The following KAZN variants were observed in gnomAD, a reference collection of about 807,000 sequenced individuals.
KAZN encodes kazrin, periplakin interacting protein.
In KAZN, 40 loss-of-function variants were observed where a neutral mutation model predicts 87.4. The ratio of observed to expected loss-of-function variants is 0.46; its 90% CI spans 0.36 to 0.60. The LOEUF (loss-of-function observed/expected upper bound fraction) is 0.60. Among genes scored for constraint, KAZN ranks in the 20% least tolerant of loss-of-function variants. The pLI is 0.00. For missense variants in KAZN, 898 were observed against 1,073.9 expected (o/e 0.84, Z 2.29); for synonymous variants, 466 against 458.3 (o/e 1.02, Z -0.22).
intron 14 of KAZN, chr1:15,114,230 C>G: frequency 2.2e-6 from 1 of 464,918 alleles, no homozygotes; most frequent in Non-Finnish European, 3.9e-6. Flanking sequence ...TGTCCTCACC[C>G]TTGGTAACCA....
chr1:14,022,163 C>T (rs777594978), intron 1 of KAZN, among the ~76,000 whole-genome samples: 10 of 151,672 alleles, frequency 6.6e-5, no homozygotes, highest in African/African-American at 1.4e-4. Context: ...CTGGGGTGTG[C>T]GTGTGTATGT....
chr1:14,128,967 T>C (rs1236748805), intron 1 of KAZN, among the ~76,000 whole-genome samples: 1 of 152,192 alleles, frequency 6.6e-6, no homozygotes, highest in Non-Finnish European at 1.5e-5. Context: ...ATTCCATCTT[T>C]AAGGGAATTT....
Position 14,771,117 on chromosome 1 carries a change from G to A in KAZN, c.226+171894G>A, listed in dbSNP as rs184195713. 3.8e-4 allele frequency among the ~76,000 whole-genome samples: 58 copies of A among 152,250 alleles called. 2 individuals carry two copies. The South Asian group carries it at 4.8e-3, about 13-fold the overall frequency. Reference sequence around the variant, plus strand: ...GCAGGAATCCCACCCAGAATGATTCGCTGTGATCATTGCCATATGAACAAT... The same window carrying A: ...GCAGGAATCCCACCCAGAATGATTCACTGTGATCATTGCCATATGAACAAT... On this transcript the variant is annotated intron_variant, in intron 1 of 14. Transcript: ENST00000376030.
chr1:14,777,232 G>A (rs1026950595), intron 1 of KAZN, among the ~76,000 whole-genome samples: 3 of 151,810 alleles, frequency 2.0e-5, no homozygotes, highest in Non-Finnish European at 4.4e-5. Context: ...TCCTGACCTC[G>A]TGATCTGCCT....
At chr1:13,925,875 G>C (rs1348572478) in intron 1 of KAZN, among the ~76,000 whole-genome samples, 2 of 152,140 alleles carry the variant, frequency 1.3e-5, no homozygotes, top group Admixed American at 1.3e-4. Flanking sequence ...TTCAAAAATA[G>C]TTCTTGGAGG....
At chr1:13,939,873 G>A (rs989473343) in intron 1 of KAZN, among the ~76,000 whole-genome samples, 2 of 152,012 alleles carry the variant, frequency 1.3e-5, no homozygotes, top group Non-Finnish European at 2.9e-5. Context: ...AGAGGGTGGT[G>A]GGGGAGGCGC....
At chr1:14,631,354 T>C (rs1198085199) in intron 1 of KAZN, among the ~76,000 whole-genome samples, 2 of 152,218 alleles carry the variant, frequency 1.3e-5, no homozygotes, top group African/African-American at 4.8e-5. Context: ...ACATTTTAGT[T>C]ACATACACCC....
intron 1 of KAZN, among the ~76,000 whole-genome samples, chr1:14,159,098 C>T (rs1228692087): frequency 1.3e-5 from 2 of 152,078 alleles, no homozygotes; most frequent in African/African-American, 4.8e-5. Flanking sequence ...CCTGCTGTAA[C>T]CACTCTCTGC....
intron 2 of KAZN, among the ~76,000 whole-genome samples, chr1:15,024,263 C>T (rs1006985310): frequency 6.6e-6 from 1 of 152,144 alleles, no homozygotes; most frequent in Admixed American, 6.5e-5. Flanking sequence ...TCACCTGCAT[C>T]GCCTGCTGGA....
In KAZN at chr1:14,158,385, G is replaced by A. The variant is rs566050021; in HGVS notation, c.92-22050G>A. Among the ~76,000 whole-genome samples the A allele has an allele frequency of 1.4e-3, 211 of 151,954 alleles. 1 individual carries two copies. Among genetic ancestry groups the A allele is most frequent in the Middle Eastern group, 6.8e-3 (2 of 294 alleles). On this transcript the variant is annotated intron_variant, in intron 1 of 16. Coordinates refer to the KAZN transcript ENST00000636203. The stretch of plus-strand genomic sequence containing the variant: ...TTTTTTCTGCTTGATCAATTCTGCT[G>A]TTAAAAGACTCTGATACATTTTTCA...
At chr1:14,870,729 C>A (rs1366374997) in intron 1 of KAZN, among the ~76,000 whole-genome samples, 21 of 152,148 alleles carry the variant, frequency 1.4e-4, no homozygotes, top group Non-Finnish European at 1.5e-5. Flanking sequence ...ACATCTGGCA[C>A]AATTAATGGC....
intron 13 of KAZN, among the ~76,000 whole-genome samples, chr1:15,105,044 T>C (rs891889927): frequency 2.0e-5 from 3 of 152,360 alleles, no homozygotes; most frequent in East Asian, 3.8e-4. Flanking sequence ...CCTTTTTATA[T>C]ATTGCTGGAT....
intron 2 of KAZN, among the ~76,000 whole-genome samples, chr1:14,213,176 A>G (rs1275311098): frequency 5.9e-5 from 9 of 152,216 alleles, no homozygotes; most frequent in Non-Finnish European, 7.4e-5. Flanking sequence ...AAAATCATTT[A>G]TGTTTTTCCA....
At chr1:14,251,342 CG>C (rs1650011930) in intron 2 of KAZN, among the ~76,000 whole-genome samples, 2 of 152,318 alleles carry the variant, frequency 1.3e-5, no homozygotes, top group African/African-American at 4.8e-5. Context: ...TTCCCCTCCC[CG>C]GCATAGCCTT....
intron 2 of KAZN, among the ~76,000 whole-genome samples, chr1:14,437,805 AC>A: frequency 6.6e-6 from 1 of 152,206 alleles, no homozygotes; most frequent in Non-Finnish European, 1.5e-5. Context: ...GTATGTTTCT[AC>A]CCTGGCTATT....
At chr1:14,711,094 G>A (rs1197829302) in intron 1 of KAZN, among the ~76,000 whole-genome samples, 1 of 152,194 alleles carries the variant, frequency 6.6e-6, no homozygotes, top group African/African-American at 2.4e-5. Flanking sequence ...TTGGGAGACT[G>A]ATGCAGGAGG....
chr1:14,918,823 G>T (rs1450817030), intron 1 of KAZN, among the ~76,000 whole-genome samples: 1 of 149,690 alleles, frequency 6.7e-6, no homozygotes, highest in Non-Finnish European at 1.5e-5. Context: ...CCTAGGTTGA[G>T]CCTCAAGTTG....
At chr1:14,392,801 A>T (rs993251045) in intron 2 of KAZN, among the ~76,000 whole-genome samples, 25 of 152,188 alleles carry the variant, frequency 1.6e-4, no homozygotes, top group Admixed American at 1.4e-3. Context: ...AGTTTAGCCC[A>T]GTGGAATCAA....
At chr1:14,971,633 G>GC (rs1419835507) in intron 2 of KAZN, among the ~76,000 whole-genome samples, 4 of 151,306 alleles carry the variant, frequency 2.6e-5, no homozygotes, top group Admixed American at 2.6e-4. Flanking sequence ...TCTTTCAGAG[G>GC]CCCCCTTCCC....
Sources: allele counts gnomAD v4.1 joint callset (sites outside exome capture counted in the v4.1 genomes callset), GRCh38; gene constraint gnomAD v4.1.1; transcripts MANE v1.5; gene names NCBI Gene and HGNC (gene_info 2026-07-23, HGNC 2026-07-21).